TFRC: variants seen among roughly 807,000 people sequenced by gnomAD.
The protein encoded by TFRC is transferrin receptor, also known as transferrin receptor protein 1.
Under a neutral mutation model 85.8 loss-of-function variants are expected in TFRC, and 35 were observed. That is an observed-to-expected ratio of 0.41 (90% CI 0.31 to 0.54). The LOEUF is 0.54. TFRC is among the 20% of genes least tolerant of loss of function. TFRC has a pLI of 0.31. For synonymous variants in TFRC, 362 were observed against 328.6 expected, an observed-to-expected ratio of 1.10 and a Z score of -1.10; for missense variants, 828 against 921.5, an observed-to-expected ratio of 0.90 and a Z score of 1.31.
Position 196,078,008 on chromosome 3 carries a change from A to C in TFRC, c.-23-886T>G, listed in dbSNP as rs538812723. Among the ~76,000 whole-genome samples the C allele has an allele frequency of 5.9e-5, 9 of 152,316 alleles. No homozygotes were observed. The South Asian group carries it at 1.9e-3, about 32-fold the overall frequency. On this transcript the variant is annotated intron_variant, in intron 1 of 18. Transcript: ENST00000360110. Reference sequence around the variant, plus strand: ...GGCCTGTTCAAGGCTGAAAATTGATAATCTAAGCGAAGTTAAATGGGTTAC... The same window carrying C: ...GGCCTGTTCAAGGCTGAAAATTGATCATCTAAGCGAAGTTAAATGGGTTAC...
chr3:196,073,913 C>G lies in TFRC; in HGVS notation c.434+17G>C, dbSNP rs775672423. 25 of 1,605,536 alleles carry G rather than the reference C, an allele frequency of 1.6e-5. No homozygotes were observed. The South Asian group carries it at 2.8e-4, about 18-fold the overall frequency. ...TGAATTACTTGTCTAGATACTTGCACAGCAGCTGGCACTCACTTGATGGTG... is the reference window on the plus strand; with the variant it reads ...TGAATTACTTGTCTAGATACTTGCAGAGCAGCTGGCACTCACTTGATGGTG... On this transcript the variant is annotated intron_variant, in intron 4 of 18. Transcript: ENST00000360110.
intron 5 of TFRC, 146 bp downstream of exon 5, chr3:196,071,857 T>G (rs942690069): frequency 1.2e-6 from 1 of 842,312 alleles, no homozygotes; most frequent in African/African-American, 1.7e-5. Flanking sequence ...TGAGCAGAGA[T>G]TGTGCCACTG....
At position 196,065,336 on chromosome 3, in the gene TFRC, A is replaced by C. The variant is rs1415568474; in HGVS notation, c.1198+107T>G. ...ACAAGATTGAGCACTTCATAAAACC[A>C]AGCCAAGCCAGCATTCCTACACTCG... is the stretch of plus-strand genomic sequence containing the variant. On this transcript the variant is annotated intron_variant, in intron 10 of 18. Transcript: ENST00000360110. 5 of 652,328 alleles carry C rather than the reference A, an allele frequency of 7.7e-6. No homozygotes were observed. The African/African-American group carries it at 9.7e-5, about 13-fold the overall frequency. The allele number at this position is 652,328 out of a possible 1,614,324, so 40.4% of individuals were successfully genotyped here. A position where few individuals can be genotyped will look rare whatever the true frequency, so the allele number is the denominator to read the frequency against.
chr3:196,049,806 A>C lies in TFRC; in HGVS notation c.*2136T>G, dbSNP rs1319231643. The C allele has an allele frequency of 4.3e-6, 1 of 230,404 alleles. No individual in the cohort carries two copies. The highest frequency in any genetic ancestry group is 8.6e-6 in the Non-Finnish European group (1 of 116,342). The allele number at this position is 230,404 out of a possible 1,614,324, so 14.3% of individuals were successfully genotyped here. A position where few individuals can be genotyped will look rare whatever the true frequency, so the allele number is the denominator to read the frequency against. ...TCAGTCCAAGATAAAAGAGGAGATTAAAGATAAAACTGAAGATTAAAGAGA... is the reference window on the plus strand; with the variant it reads ...TCAGTCCAAGATAAAAGAGGAGATTCAAGATAAAACTGAAGATTAAAGAGA... On this transcript the variant is annotated 3_prime_UTR_variant, in exon 19 of 19. Coordinates refer to ENST00000360110, the MANE Select transcript of TFRC (RefSeq NM_001128148.3).
In TFRC at chr3:196,058,354, G is replaced by GT. The variant is rs752205866; in HGVS notation, c.1606dup (p.Thr536AsnfsTer39). 6.2e-7 allele frequency: 1 copy of GT among 1,613,862 alleles called. No individual in the cohort carries two copies. The highest frequency in any genetic ancestry group is 8.5e-7 in the Non-Finnish European group (1 of 1,179,858). On this transcript the variant is annotated frameshift_variant, in exon 16 of 19. Coordinates refer to ENST00000360110, the MANE Select transcript of TFRC (RefSeq NM_001128148.3). LOFTEE classifies it high-confidence loss of function. ...GAAAGGGAAAGCAGCATTGTCTAAA[G>GT]TGAGTTTCTCACTGCAAAGACAAAG... is the stretch of plus-strand genomic sequence containing the variant.
intron 1 of TFRC, 99 bp downstream of exon 1, chr3:196,081,944 C>T (rs1361495287): frequency 1.3e-5 from 2 of 152,516 alleles, no homozygotes; most frequent in Admixed American, 1.3e-4. Flanking sequence ...GTGCGGCTCC[C>T]TATGGCTGCT....
chr3:196,076,554 A>G (rs1718719403), intron 2 of TFRC, among the ~76,000 whole-genome samples: 1 of 150,972 alleles, frequency 6.6e-6, no homozygotes, highest in Non-Finnish European at 1.5e-5. Context: ...GGTTCAAGCA[A>G]TTCTCCTGCC....
At chr3:196,080,005 T>C (rs990843763) in intron 1 of TFRC, among the ~76,000 whole-genome samples, 7 of 152,232 alleles carry the variant, frequency 4.6e-5, no homozygotes, top group Admixed American at 3.3e-4. Flanking sequence ...TACTGGGGCA[T>C]GCCTGATGCA....
intron 6 of TFRC, among the ~76,000 whole-genome samples, chr3:196,070,591 C>T (rs181520442): frequency 6.6e-6 from 1 of 151,684 alleles, no homozygotes; most frequent in East Asian, 2.0e-4. Flanking sequence ...TTCTATCTAT[C>T]TGTTCTCTAT....
intron 18 of TFRC, among the ~76,000 whole-genome samples, chr3:196,053,006 C>T (rs747432227): frequency 2.0e-5 from 3 of 151,608 alleles, no homozygotes; most frequent in Non-Finnish European, 4.4e-5. Flanking sequence ...CACAGCAACT[C>T]GGGAGGCTAA....
chr3:196,081,235 T>C (rs923565302), intron 1 of TFRC, among the ~76,000 whole-genome samples: 8 of 152,178 alleles, frequency 5.3e-5, no homozygotes, highest in Admixed American at 3.3e-4. Context: ...CGTCTTGTAG[T>C]GAGAACTGCT....
At chr3:196,054,795 T>C (rs921441644) in intron 17 of TFRC, among the ~76,000 whole-genome samples, 1 of 152,216 alleles carries the variant, frequency 6.6e-6, no homozygotes, top group African/African-American at 2.4e-5. Flanking sequence ...GAGATCTTCA[T>C]ATTCCGTGTC....
At position 196,074,003 on chromosome 3, in the gene TFRC, G is replaced by C. The variant is rs779942371; in HGVS notation, c.361C>G (p.Arg121Gly). 6 of 1,614,144 alleles carry C rather than the reference G, an allele frequency of 3.7e-6. No homozygotes were observed. Among genetic ancestry groups the C allele is most frequent in the African/African-American group, 1.3e-5 (1 of 75,026 alleles). ...EPGEDFPAAR[R>G]LYWDDLKRKL... is the part of the protein sequence containing the mutation. Reference sequence around the variant, plus strand: ...CTCTTCAGGTCATCCCAATATAAGCGACGTGCTGCAGGGAAGTCCTCTCCT... The same window carrying C: ...CTCTTCAGGTCATCCCAATATAAGCCACGTGCTGCAGGGAAGTCCTCTCCT... The change falls in exon 4 of 19, where the codon CGC (arginine) becomes GGC (glycine). Residue 121 changes from arginine (R) to glycine (G), a missense_variant. Coordinates refer to ENST00000360110, the MANE Select transcript of TFRC (RefSeq NM_001128148.3).
intron 4 of TFRC, chr3:196,072,989 C>T (rs1447563673): frequency 1.5e-5 from 2 of 137,470 alleles, no homozygotes; most frequent in African/African-American, 2.8e-5. Flanking sequence ...CATCTGAGGT[C>T]AGGAGTTAGA....
At chr3:196,063,055 T>C in intron 11 of TFRC, 116 bp from the exon 12 acceptor site, 1 of 676,048 alleles carries the variant, frequency 1.5e-6, no homozygotes, top group South Asian at 2.7e-5. Flanking sequence ...GATTCCAAAA[T>C]CTTTTTTTTC....
At chr3:196,052,716 C>T (rs1231850855) in intron 18 of TFRC, among the ~76,000 whole-genome samples, 3 of 151,854 alleles carry the variant, frequency 2.0e-5, no homozygotes, top group African/African-American at 7.3e-5. Flanking sequence ...ACTGGAATTA[C>T]AGGCATGAGC....
intron 16 of TFRC, chr3:196,058,061 G>C (rs1716960763): frequency 7.8e-6 from 3 of 383,224 alleles, no homozygotes; most frequent in Non-Finnish European, 4.7e-6. Flanking sequence ...CCTTGGACTG[G>C]TGTCATCCTT....
At chr3:196,068,744 G>A (rs1300996988) in intron 7 of TFRC, among the ~76,000 whole-genome samples, 4 of 149,712 alleles carry the variant, frequency 2.7e-5, no homozygotes, top group East Asian at 4.0e-4. Flanking sequence ...CCAGGCCAAC[G>A]TCGTGAAACC....
chr3:196,057,625 G>A (rs1408175065), intron 16 of TFRC, among the ~76,000 whole-genome samples: 1 of 151,838 alleles, frequency 6.6e-6, no homozygotes, highest in Non-Finnish European at 1.5e-5. Context: ...TGGTCTCAAA[G>A]TTGACACAAG....
Sources: gnomAD v4.1 joint callset for allele counts (sites outside exome capture counted in the v4.1 genomes callset) on GRCh38, gnomAD v4.1.1 for gene constraint, MANE v1.5 for transcripts, NCBI Gene and HGNC (gene_info 2026-07-23, HGNC 2026-07-21) for gene names.